STRIP1: variants seen among roughly 807,000 people sequenced by gnomAD.
STRIP1 encodes the protein striatin-interacting protein 1.
Under a neutral mutation model 106.2 loss-of-function variants are expected in STRIP1, and 63 were observed. That is an observed-to-expected ratio of 0.59 (90% CI 0.48 to 0.73). The LOEUF is 0.73. STRIP1 is among the 30% of genes least tolerant of loss of function. The pLI, the probability that STRIP1 is intolerant of heterozygous loss-of-function variation, is 0.00. For synonymous variants in STRIP1, 390 were observed against 413.0 expected, an observed-to-expected ratio of 0.94 and a Z score of 0.67; for missense variants, 857 against 1,074.8, an observed-to-expected ratio of 0.80 and a Z score of 2.83.
chr1:110,049,363 A>G lies in STRIP1; in HGVS notation c.1789-97A>G, dbSNP rs541903765. The G allele has an allele frequency of 4.2e-5, 66 of 1,557,376 alleles. No homozygotes were observed. In the East Asian group the frequency reaches 1.4e-3, roughly 33 times the overall value. Reference sequence around the variant, plus strand: ...GAACTCTGCATGAATGTTCTAAGACATGGCCCTTCAGCCAAGGCCTTTCAT... The same window carrying G: ...GAACTCTGCATGAATGTTCTAAGACGTGGCCCTTCAGCCAAGGCCTTTCAT... On this transcript the variant is annotated intron_variant, in intron 16 of 20. Coordinates refer to ENST00000369795, the MANE Select transcript of STRIP1 (RefSeq NM_033088.4).
chr1:110,038,641 T>C (rs377733408), intron 2 of STRIP1, 42 bp from the exon 3 acceptor site: 2 of 1,562,016 alleles, frequency 1.3e-6, no homozygotes, highest in African/African-American at 2.7e-5. Flanking sequence ...TGGTGTGCAA[T>C]GCAGACATGG....
At chr1:110,048,486 C>T (rs1653136835) in intron 15 of STRIP1, among the ~76,000 whole-genome samples, 1 of 152,220 alleles carries the variant, frequency 6.6e-6, no homozygotes, top group Admixed American at 6.5e-5. Context: ...GTGGCTGTGG[C>T]CCCGGAGTAT....
intron 1 of STRIP1, among the ~76,000 whole-genome samples, chr1:110,035,048 G>T (rs966489539): frequency 6.6e-6 from 1 of 152,214 alleles, no homozygotes; most frequent in Non-Finnish European, 1.5e-5. Context: ...CGTGGCCGGC[G>T]ACTGCTGGTT....
chr1:110,036,056 A>T (rs761305486), intron 1 of STRIP1, among the ~76,000 whole-genome samples: 12 of 152,210 alleles, frequency 7.9e-5, no homozygotes, highest in Non-Finnish European at 1.6e-4. Context: ...TCATCATGAG[A>T]GGAGTTATCA....
rs1476588403 is a variant in STRIP1, at chr1:110,054,011, G to A, written c.*99G>A. The A allele has an allele frequency of 6.8e-7, 1 of 1,471,496 alleles. No homozygotes were observed. Among genetic ancestry groups the A allele is most frequent in the Non-Finnish European group, 9.3e-7 (1 of 1,078,346 alleles). The allele number at this position is 1,471,496 out of a possible 1,614,324, so 91.2% of individuals were successfully genotyped here. The stretch of plus-strand genomic sequence containing the variant: ...GCTGCAGTGCTCCCATCCCCCACCA[G>A]GTGGCAGCACAGCCCCACTGTGTCT... On this transcript the variant is annotated 3_prime_UTR_variant, in exon 21 of 21. Coordinates refer to ENST00000369795, the MANE Select transcript of STRIP1 (RefSeq NM_033088.4).
chr1:110,034,835 G>A lies in STRIP1; in HGVS notation c.180+18G>A, dbSNP rs936050740. The A allele has an allele frequency of 4.4e-6, 6 of 1,376,230 alleles. No homozygotes were observed. In the African/African-American group the frequency reaches 6.2e-5, roughly 14 times the overall value. The allele number at this position is 1,376,230 out of a possible 1,614,324, so 85.3% of individuals were successfully genotyped here. ...ACTCAGAGGTCAGGAGCTTCGGGGG[G>A]CGAGGCTCGCACCGGGTCGGGCGGC... On this transcript the variant is annotated intron_variant, in intron 1 of 20. Transcript: ENST00000369795.
intron 20 of STRIP1, among the ~76,000 whole-genome samples, chr1:110,052,803 C>G: frequency 6.6e-6 from 1 of 151,938 alleles, no homozygotes; most frequent in Non-Finnish European, 1.5e-5. Context: ...TGGGTTCAAG[C>G]GATCCACCAG....
chr1:110,032,655 C>T (rs1468833341), upstream of STRIP1, among the ~76,000 whole-genome samples: 1 of 152,082 alleles, frequency 6.6e-6, no homozygotes, highest in African/African-American at 2.4e-5. Context: ...ACTCAGTTGC[C>T]CAAACCTAGA....
chr1:110,051,959 G>A lies in STRIP1; in HGVS notation c.2266+72G>A, dbSNP rs563445497. 119 of 1,494,550 alleles carry A rather than the reference G, an allele frequency of 8.0e-5. 1 individual carries two copies. The South Asian group carries it at 1.0e-3, about 13-fold the overall frequency. The allele number at this position is 1,494,550 out of a possible 1,614,324, so 92.6% of individuals were successfully genotyped here. A position where few individuals can be genotyped will look rare whatever the true frequency, so the allele number is the denominator to read the frequency against. ...AAGTGACATCTTTCACTCCCTGCCC[G>A]TGGTACTCAGGTACTTCTCTGCCCT... On this transcript the variant is annotated intron_variant, in intron 20 of 20. Coordinates refer to ENST00000369795, the MANE Select transcript of STRIP1 (RefSeq NM_033088.4).
chr1:110,041,684 C>T, intron 7 of STRIP1, 42 bp downstream of exon 7: 4 of 1,614,154 alleles, frequency 2.5e-6, no homozygotes, highest in Non-Finnish European at 3.4e-6. Context: ...TGCCTGGAAG[C>T]TGAGGCGGAA....
In STRIP1 at chr1:110,041,805, C is replaced by A; in HGVS notation, c.829C>A (p.His277Asn). 1 of 1,614,096 alleles carries A rather than the reference C, an allele frequency of 6.2e-7. No homozygotes were observed. The highest frequency in any genetic ancestry group is 1.1e-5 in the South Asian group (1 of 91,044). Residue 277 changes from histidine to asparagine, a missense_variant, in exon 8 of 21, where the codon CAC becomes AAC. Coordinates refer to ENST00000369795, the MANE Select transcript of STRIP1 (RefSeq NM_033088.4). ...FGMVTKFCSG[H>N]APHFPMKKVL... ...GATGGTGACCAAATTTTGCAGTGGT[C>A]ACGCCCCTCACTTTCCCATGAAGAA... is the stretch of plus-strand genomic sequence containing the variant.
chr1:110,032,833 C>G (rs2101758069), upstream of STRIP1, among the ~76,000 whole-genome samples: 1 of 152,322 alleles, frequency 6.6e-6, no homozygotes, highest in Non-Finnish European at 1.5e-5. Flanking sequence ...TCCACTCTTG[C>G]AACTCTCCAA....
intron 1 of STRIP1, 31 bp downstream of exon 1, chr1:110,034,848 C>T: frequency 2.9e-6 from 4 of 1,372,882 alleles, no homozygotes; most frequent in Admixed American, 4.0e-5. Context: ...AGGCTCGCAC[C>T]GGGTCGGGCG....
At chr1:110,046,598 T>C in intron 12 of STRIP1, 82 bp from the exon 13 acceptor site, 1 of 1,228,318 alleles carries the variant, frequency 8.1e-7, no homozygotes, top group Non-Finnish European at 1.2e-6. Flanking sequence ...TGAAGACAAA[T>C]GTGTGGGGAT....
chr1:110,043,395 C>A (rs889057090), intron 9 of STRIP1, 125 bp downstream of exon 9: 2 of 1,069,526 alleles, frequency 1.9e-6, no homozygotes, highest in East Asian at 2.5e-5. Flanking sequence ...AATCATGCCT[C>A]CACAGCGAGG....
At chr1:110,042,634 T>C (rs921331528) in intron 8 of STRIP1, among the ~76,000 whole-genome samples, 3 of 152,268 alleles carry the variant, frequency 2.0e-5, no homozygotes, top group African/African-American at 7.2e-5. Flanking sequence ...AAGCTGGATG[T>C]TGCTGGCGTT....
rs1043336642 is a variant in STRIP1, at chr1:110,054,277, G to A, written c.*365G>A. On this transcript the variant is annotated 3_prime_UTR_variant, in exon 21 of 21. Transcript: ENST00000369795. ...TTCAGGGGTCATGCTGATGCCTCTCGAGACATACAAATCCTTGCTTTGTCA... is the reference window on the plus strand; with the variant it reads ...TTCAGGGGTCATGCTGATGCCTCTCAAGACATACAAATCCTTGCTTTGTCA... 4.4e-6 allele frequency: 1 copy of A among 229,494 alleles called. No individual in the cohort carries two copies. Among genetic ancestry groups the A allele is most frequent in the East Asian group, 1.1e-4 (1 of 8,712 alleles). 14.2% of individuals were successfully genotyped at this position (229,494 alleles called of 1,614,324 possible).
intron 19 of STRIP1, among the ~76,000 whole-genome samples, chr1:110,051,318 T>G (rs1001385836): frequency 2.6e-5 from 4 of 152,342 alleles, no homozygotes; most frequent in African/African-American, 9.6e-5. Flanking sequence ...ATTGGTAACA[T>G]AATCAGGGTT....
At chr1:110,050,878 T>C in intron 18 of STRIP1, 78 bp from the exon 19 acceptor site, 1 of 838,352 alleles carries the variant, frequency 1.2e-6, no homozygotes, top group South Asian at 1.4e-5. Context: ...TGTCCTGAGA[T>C]CATGTGTGAG....
Sources: allele counts gnomAD v4.1 joint callset (sites outside exome capture counted in the v4.1 genomes callset), GRCh38; gene constraint gnomAD v4.1.1; transcripts MANE v1.5; gene names NCBI Gene and HGNC (gene_info 2026-07-23, HGNC 2026-07-21).